The following SEPTIN9 variants were observed in gnomAD, a reference collection of about 807,000 sequenced individuals.
SEPTIN9 encodes the protein septin-9.
In SEPTIN9, 13 loss-of-function variants were observed where a neutral mutation model predicts 56.6. That is an observed-to-expected ratio of 0.23 (90% confidence interval 0.15 to 0.37). The LOEUF (loss-of-function observed/expected upper bound fraction) is 0.37. Ranked by LOEUF, SEPTIN9 falls within the 10% of genes least tolerant of loss-of-function variation. The probability of loss-of-function intolerance (pLI) is 1.00; values close to 1 mark genes in which losing one functional copy is unlikely to be tolerated. For synonymous variants in SEPTIN9, 332 were observed against 334.1 expected (o/e 0.99, Z 0.07); for missense variants, 650 against 823.1 (o/e 0.79, Z 2.57).
chr17:77,316,704 CTT>C (rs775155993), intron 2 of SEPTIN9, among the ~76,000 whole-genome samples: 4 of 137,946 alleles, frequency 2.9e-5, no homozygotes, highest in East Asian at 2.0e-4. Context: ...TCTTCCTCTT[CTT>C]TTTTTTTTTT....
chr17:77,440,379 TC>T (rs1164932446), intron 3 of SEPTIN9, among the ~76,000 whole-genome samples: 3 of 152,170 alleles, frequency 2.0e-5, no homozygotes, highest in Admixed American at 6.5e-5. Context: ...GGTCTCGAAC[TC>T]CCGACTTCAG....
intron 2 of SEPTIN9, chr17:77,376,515 C>T (rs770967758): frequency 1.8e-6 from 1 of 549,632 alleles, no homozygotes; most frequent in Non-Finnish European, 2.3e-6. Context: ...TGCTGAGGGG[C>T]GGAGACTCCA....
chr17:77,462,876 A>G, intron 3 of SEPTIN9, among the ~76,000 whole-genome samples: 1 of 151,202 alleles, frequency 6.6e-6, no homozygotes, highest in East Asian at 2.0e-4. Flanking sequence ...TCCTGACCTC[A>G]AGTGATCTGG....
intron 3 of SEPTIN9, among the ~76,000 whole-genome samples, chr17:77,426,092 C>T (rs1255541647): frequency 6.6e-6 from 1 of 152,110 alleles, no homozygotes; most frequent in East Asian, 1.9e-4. Context: ...TGCAGCCAGG[C>T]CCCCAGGCCT....
At chr17:77,440,641 G>A (rs1265099205) in intron 3 of SEPTIN9, among the ~76,000 whole-genome samples, 3 of 152,304 alleles carry the variant, frequency 2.0e-5, no homozygotes, top group Non-Finnish European at 2.9e-5. Context: ...TGCTGCCCAC[G>A]CTCCCACAGA....
chr17:77,450,820 C>A lies in SEPTIN9; in HGVS notation c.722-31324C>A. Reference sequence around the variant, plus strand: ...CGCCCCCATCCCCTGCCCCTCCTCTCCTGCTCCTTCTCCCTTCCATGGTCC... The same window carrying A: ...CGCCCCCATCCCCTGCCCCTCCTCTACTGCTCCTTCTCCCTTCCATGGTCC... On this transcript the variant is annotated intron_variant, in intron 3 of 11. Transcript: ENST00000427177. The surrounding 1 kb of genome is among the most constrained non-coding windows in gnomAD (Gnocchi z 6.0). The A allele has an allele frequency of 1.0e-6, 1 of 985,642 alleles. No homozygotes were observed. The highest frequency in any genetic ancestry group is 1.2e-6 in the Non-Finnish European group (1 of 829,996). 61.1% of individuals were successfully genotyped at this position (985,642 alleles called of 1,614,324 possible). A position where few individuals can be genotyped will look rare whatever the true frequency, so the allele number is the denominator to read the frequency against.
chr17:77,487,427 A>G lies in SEPTIN9; in HGVS notation c.917A>G (p.Gln306Arg), dbSNP rs1237414901. Residue 306 changes from glutamine (Q) to arginine (R), a missense_variant, in exon 5 of 12, where the codon CAG (glutamine) becomes CGG (arginine). By Grantham distance (43) the Gln-to-Arg change is conservative. Coordinates refer to ENST00000427177, the MANE Select transcript of SEPTIN9 (RefSeq NM_001113491.2). This position sits in a 1 kb window ranked among gnomAD's most constrained non-coding sequence, Gnocchi z 4.3. ...CGGCCTCCCATCCTCTCCCCAGGGC[A>G]GAGCGGCTTGGGTAAATCCACCTTA... ...GFEFNIMVVGQSGLGKSTLIN... is the reference protein window; with the variant it reads ...GFEFNIMVVGRSGLGKSTLIN... 2 of 1,600,766 alleles carry G rather than the reference A, an allele frequency of 1.2e-6. No homozygotes were observed.
chr17:77,467,166 C>T (rs998466355), intron 3 of SEPTIN9, among the ~76,000 whole-genome samples: 3 of 152,226 alleles, frequency 2.0e-5, no homozygotes, highest in East Asian at 1.9e-4. Context: ...GGCCGCGAGA[C>T]GTCTGACCTT....
chr17:77,425,171 C>G lies in SEPTIN9; in HGVS notation c.721+22468C>G, dbSNP rs898562627. ...CCCCACTGACCTGCACCATGTGACC[C>G]GGGCCTGGGAAGATGGGCCCAGCTG... On this transcript the variant is annotated intron_variant, in intron 3 of 11. Coordinates refer to ENST00000427177, the MANE Select transcript of SEPTIN9 (RefSeq NM_001113491.2). The surrounding 1 kb of genome is among the most constrained non-coding windows in gnomAD (Gnocchi z 4.2). Among the ~76,000 whole-genome samples, 2 of 152,322 alleles carry G rather than the reference C, an allele frequency of 1.3e-5. No homozygotes were observed. The highest frequency in any genetic ancestry group is 1.3e-4 in the Admixed American group (2 of 15,310).
intron 3 of SEPTIN9, among the ~76,000 whole-genome samples, chr17:77,460,148 A>G (rs1014706822): frequency 7.5e-5 from 11 of 147,372 alleles, no homozygotes; most frequent in Admixed American, 1.4e-4. Flanking sequence ...CGTCCAAACC[A>G]TATCACACGT....
At chr17:77,288,641 C>T (rs1567974917) in intron 1 of SEPTIN9, among the ~76,000 whole-genome samples, 1 of 152,238 alleles carries the variant, frequency 6.6e-6, no homozygotes, top group Admixed American at 6.5e-5. Flanking sequence ...GTCCATGTAA[C>T]CCAAGCCAGT....
intron 2 of SEPTIN9, among the ~76,000 whole-genome samples, chr17:77,345,845 C>T (rs965472709): frequency 4.6e-5 from 7 of 152,204 alleles, no homozygotes; most frequent in Middle Eastern, 3.2e-3. Context: ...TCCAGTATCA[C>T]GGAGCGGGGC....
chr17:77,485,863 C>A (rs1568113596), intron 4 of SEPTIN9, among the ~76,000 whole-genome samples: 1 of 152,096 alleles, frequency 6.6e-6, no homozygotes. Context: ...TTTTTTGAGA[C>A]AGGGTCTCAT....
chr17:77,477,154 G>A (rs985960205), intron 3 of SEPTIN9, among the ~76,000 whole-genome samples: 6 of 134,942 alleles, frequency 4.4e-5, no homozygotes, highest in Admixed American at 1.7e-4. Context: ...TTCCTCTCCC[G>A]TCCTCATGGG....
intron 2 of SEPTIN9, among the ~76,000 whole-genome samples, chr17:77,336,580 A>G (rs963905486): frequency 1.3e-5 from 2 of 152,238 alleles, no homozygotes; most frequent in South Asian, 2.1e-4. Flanking sequence ...TAAAAATACA[A>G]TAGATTTTTG....
At chr17:77,341,316 A>G (rs1177790460) in intron 2 of SEPTIN9, among the ~76,000 whole-genome samples, 1 of 152,206 alleles carries the variant, frequency 6.6e-6, no homozygotes, top group Non-Finnish European at 1.5e-5. Context: ...CCTAATTTCA[A>G]TATTGTTGAG....
chr17:77,457,455 C>A (rs2038260340), intron 3 of SEPTIN9, among the ~76,000 whole-genome samples: 1 of 152,154 alleles, frequency 6.6e-6, no homozygotes, highest in Non-Finnish European at 1.5e-5. Context: ...TGTGGGAGGC[C>A]CAGAGGTGCC....
At chr17:77,467,081 T>G (rs1371512138) in intron 3 of SEPTIN9, among the ~76,000 whole-genome samples, 1 of 152,208 alleles carries the variant, frequency 6.6e-6, no homozygotes, top group Non-Finnish European at 1.5e-5. Context: ...ACTCTTCCGC[T>G]GGGGCCGGCC....
intron 3 of SEPTIN9, 59 bp from the exon 4 acceptor site, chr17:77,482,085 G>A: frequency 1.4e-6 from 2 of 1,465,578 alleles, no homozygotes; most frequent in South Asian, 2.6e-5. Context: ...CAACCACCTG[G>A]CAGGCGCCTG....
Sources: allele counts gnomAD v4.1 joint callset (sites outside exome capture counted in the v4.1 genomes callset), GRCh38; gene constraint gnomAD v4.1.1; non-coding constraint Gnocchi (gnomAD v3.1); transcripts MANE v1.5; gene names NCBI Gene and HGNC (gene_info 2026-07-23, HGNC 2026-07-21).